The following GOLGA3 variants were observed in gnomAD, a reference collection of about 807,000 sequenced individuals.
The protein encoded by GOLGA3 is golgin A3, also known as golgin subfamily A member 3.
Under a neutral mutation model 169.4 loss-of-function variants are expected in GOLGA3, and 75 were observed. The observed-to-expected ratio is 0.44, with a 90% CI of 0.37 to 0.54. The LOEUF is 0.54. Among genes scored for constraint, GOLGA3 ranks in the 20% least tolerant of loss-of-function variants. GOLGA3 has a pLI of 0.00. For synonymous variants in GOLGA3, 824 were observed against 822.4 expected (o/e 1.00, Z -0.03); for missense variants, 1,899 against 1,930.0 (o/e 0.98, Z 0.30).
chr12:132,805,300 C>T (rs114826955), intron 6 of GOLGA3, among the ~76,000 whole-genome samples: 1,199 of 109,274 alleles, frequency 0.011, 120 homozygotes, highest in African/African-American at 0.048. Flanking sequence ...GACCCTGCCC[C>T]GAGACCCCCA....
chr12:132,799,015 G>A (rs772803055), intron 8 of GOLGA3, among the ~76,000 whole-genome samples: 44 of 152,224 alleles, frequency 2.9e-4, no homozygotes, highest in Admixed American at 2.2e-3. Flanking sequence ...TGAGGAGGAC[G>A]GCGTCAGCCA....
Position 132,777,127 on chromosome 12 carries a change from G to C in GOLGA3, c.3723-37C>G. ...AAACAAGAAAGAAGGGAATCGCCACGCTCCTCCAGTGTGCTGTGCCCTCCC... is the reference window on the plus strand; with the variant it reads ...AAACAAGAAAGAAGGGAATCGCCACCCTCCTCCAGTGTGCTGTGCCCTCCC... On this transcript the variant is annotated intron_variant, in intron 19 of 23. Coordinates refer to ENST00000450791, the MANE Select transcript of GOLGA3 (RefSeq NM_001389683.1). The surrounding 1 kb of genome is among the most constrained non-coding windows in gnomAD (Gnocchi z 4.7). The C allele has an allele frequency of 1.9e-6, 3 of 1,553,456 alleles. No individual in the cohort carries two copies. The highest frequency in any genetic ancestry group is 1.3e-5 in the South Asian group (1 of 79,954).
rs1016143993 is a variant in GOLGA3 at position 132,771,675 on chromosome 12, G to C, written c.*1430C>G. 1 of 152,074 alleles carries C rather than the reference G, an allele frequency of 6.6e-6. No individual in the cohort carries two copies. Among genetic ancestry groups the C allele is most frequent in the African/African-American group, 2.4e-5 (1 of 41,392 alleles). 9.4% of individuals were successfully genotyped at this position (152,074 alleles called of 1,614,324 possible). A position where few individuals can be genotyped will look rare whatever the true frequency, so the allele number is the denominator to read the frequency against. ...AACCACAAAAGATCCAGGACTTCTCGATGACTGCAGAAGTACAGGTGCTCC... is the reference window on the plus strand; with the variant it reads ...AACCACAAAAGATCCAGGACTTCTCCATGACTGCAGAAGTACAGGTGCTCC... On this transcript the variant is annotated 3_prime_UTR_variant, in exon 24 of 24. Transcript: ENST00000450791.
chr12:132,825,629 G>A (rs1950379038), intron 1 of GOLGA3: 1 of 705,336 alleles, frequency 1.4e-6, no homozygotes, highest in Non-Finnish European at 2.6e-6. Context: ...AAACATCTGT[G>A]AGCTTCAGTT....
chr12:132,814,834 C>T (rs192483088), intron 3 of GOLGA3, among the ~76,000 whole-genome samples: 36 of 152,360 alleles, frequency 2.4e-4, no homozygotes, highest in Non-Finnish European at 4.4e-4. Context: ...AAAACCCAGA[C>T]CTTTCATTGT....
chr12:132,816,292 G>A (rs1949957910), intron 3 of GOLGA3, among the ~76,000 whole-genome samples: 1 of 152,216 alleles, frequency 6.6e-6, no homozygotes, highest in Non-Finnish European at 1.5e-5. Flanking sequence ...CATGCAGGCT[G>A]GCCTTTAACG....
chr12:132,813,169 G>C, intron 4 of GOLGA3, 138 bp downstream of exon 4: 4 of 632,926 alleles, frequency 6.3e-6, no homozygotes, highest in Non-Finnish European at 1.1e-5. Context: ...GGCAGATTTA[G>C]AAATAAAATG....
Position 132,777,994 on chromosome 12 carries a change from G to A in GOLGA3, c.3583-189C>T, listed in dbSNP as rs2045345460. On this transcript the variant is annotated intron_variant, in intron 18 of 23. Coordinates refer to ENST00000450791, the MANE Select transcript of GOLGA3 (RefSeq NM_001389683.1). This position sits in a 1 kb window ranked among gnomAD's most constrained non-coding sequence, Gnocchi z 4.7. ...TGACCCGGAGCTCGGCACGCAGCAA[G>A]TGCACACTTATGTGGCTGCTGCTAT... is the stretch of plus-strand genomic sequence containing the variant. 6.6e-6 allele frequency among the ~76,000 whole-genome samples: 1 copy of A among 152,248 alleles called. No homozygotes were observed. Among genetic ancestry groups the A allele is most frequent in the South Asian group, 2.1e-4 (1 of 4,830 alleles).
At chr12:132,783,022 CCT>C (rs931843293) in intron 16 of GOLGA3, among the ~76,000 whole-genome samples, 2 of 152,172 alleles carry the variant, frequency 1.3e-5, no homozygotes, top group African/African-American at 4.8e-5. Context: ...ATGATGAAAC[CCT>C]GTCTCTACCA....
chr12:132,774,248 G>A lies in GOLGA3; in HGVS notation c.4216C>T (p.Pro1406Ser), dbSNP rs1566063929. 1 of 1,612,632 alleles carries A rather than the reference G, an allele frequency of 6.2e-7. No individual in the cohort carries two copies. The highest frequency in any genetic ancestry group is 8.5e-7 in the Non-Finnish European group (1 of 1,180,012). Residue 1406 changes from proline (P) to serine (S), a missense_variant, in exon 23 of 24, where the codon CCC (proline) becomes TCC (serine). By Grantham distance (74) the Pro-to-Ser change is moderately conservative. Transcript: ENST00000450791. Reference protein sequence around the residue: ...TPIKIPDCPVPASLLEELLRP... With the variant: ...TPIKIPDCPVSASLLEELLRP... ...AGCAGCTCCTCCAGCAGCGAGGCGG[G>A]AACTGGGCAGTCCGGGATCTTGATG...
chr12:132,821,636 C>T (rs1490106124), intron 2 of GOLGA3, among the ~76,000 whole-genome samples: 8 of 151,772 alleles, frequency 5.3e-5, no homozygotes, highest in East Asian at 1.9e-4. Flanking sequence ...GGGCGGATCA[C>T]GAAGTCAGGA....
intron 17 of GOLGA3, among the ~76,000 whole-genome samples, chr12:132,781,500 C>T (rs974137510): frequency 2.0e-5 from 3 of 152,042 alleles, no homozygotes; most frequent in Admixed American, 2.0e-4. Context: ...CAGGGAGCCG[C>T]GATCGTGCCA....
At chr12:132,784,118 C>G in intron 16 of GOLGA3, 46 bp downstream of exon 16, 1 of 1,600,610 alleles carries the variant, frequency 6.2e-7, no homozygotes, top group Admixed American at 1.7e-5. Flanking sequence ...CCAGGGCTCA[C>G]GTGACCTGCC....
At position 132,808,141 on chromosome 12, in the gene GOLGA3, C is replaced by G. The variant is rs766668894; in HGVS notation, c.928G>C (p.Val310Leu). 5 of 1,610,786 alleles carry G rather than the reference C, an allele frequency of 3.1e-6. No individual in the cohort carries two copies. Among genetic ancestry groups the G allele is most frequent in the Non-Finnish European group, 4.2e-6 (5 of 1,177,840 alleles). ...TSLAGDSVSE[V>L]DGNDSDSSSY... ...GAGCTGTCGCTGTCATTTCCATCCA[C>G]CTCAGACACGCTGTCTCCAGCCAGG... Residue 310 changes from valine to leucine, a missense_variant, in exon 5 of 24, where the codon GTG becomes CTG. Transcript: ENST00000450791.
At chr12:132,781,886 C>T (rs1365292416) in intron 17 of GOLGA3, among the ~76,000 whole-genome samples, 2 of 152,220 alleles carry the variant, frequency 1.3e-5, no homozygotes, top group Non-Finnish European at 2.9e-5. Context: ...AACTCAGCCA[C>T]ACCCACATGG....
At chr12:132,821,421 G>C (rs1950207503) in intron 2 of GOLGA3, among the ~76,000 whole-genome samples, 2 of 151,370 alleles carry the variant, frequency 1.3e-5, no homozygotes, top group African/African-American at 4.9e-5. Flanking sequence ...AAAAAAAAAA[G>C]GTAGAATTTT....
rs1469536932 is a variant in GOLGA3, at chr12:132,795,955, T to C, written c.2366A>G (p.Lys789Arg). The change falls in exon 11 of 24, where the codon AAG becomes AGG. Residue 789 changes from lysine to arginine, a missense_variant. Lys to Arg is a conservative substitution (Grantham distance 26). Transcript: ENST00000450791. ...EAALQAAKSG[K>R]EELDRGARRL... ...TCTTGCTCCTCTGTCAAGCTCCTCC[T>C]TGCCACTCTTGGCCGCCTGCAAAGC... 1 of 1,614,068 alleles carries C rather than the reference T, an allele frequency of 6.2e-7. No homozygotes were observed. Among genetic ancestry groups the C allele is most frequent in the East Asian group, 2.2e-5 (1 of 44,882 alleles).
intron 18 of GOLGA3, among the ~76,000 whole-genome samples, chr12:132,779,914 C>A (rs1010267360): frequency 3.5e-5 from 5 of 141,886 alleles, no homozygotes; most frequent in Non-Finnish European, 7.7e-5. Flanking sequence ...GCACGCACAG[C>A]CCCCCGCATG....
At position 132,804,546 on chromosome 12, in the gene GOLGA3, G is replaced by A. The variant is rs2099695942; in HGVS notation, c.1597+170C>T. On this transcript the variant is annotated intron_variant, in intron 7 of 23. Coordinates refer to ENST00000450791, the MANE Select transcript of GOLGA3 (RefSeq NM_001389683.1). The surrounding 1 kb of genome is among the most constrained non-coding windows in gnomAD (Gnocchi z 4.1). Reference sequence around the variant, plus strand: ...ACCAGTCAGGGAAGGAGGGCGTGGCGGGGACCAGTCGAGGAAGGAGGGAGC... The same window carrying A: ...ACCAGTCAGGGAAGGAGGGCGTGGCAGGGACCAGTCGAGGAAGGAGGGAGC... Among the ~76,000 whole-genome samples, 2 of 151,210 alleles carry A rather than the reference G, an allele frequency of 1.3e-5. No individual in the cohort carries two copies. Among genetic ancestry groups the A allele is most frequent in the East Asian group, 2.0e-4 (1 of 5,122 alleles).
Sources: gnomAD v4.1 joint callset for allele counts (sites outside exome capture counted in the v4.1 genomes callset) on GRCh38, gnomAD v4.1.1 for gene constraint, Gnocchi (gnomAD v3.1) non-coding constraint, MANE v1.5 for transcripts, NCBI Gene and HGNC (gene_info 2026-07-23, HGNC 2026-07-21) for gene names.